The following GPR107 variants were observed in gnomAD, a reference collection of about 807,000 sequenced individuals.
GPR107 encodes protein GPR107.
A neutral mutation model predicts 75.5 loss-of-function variants in GPR107; 31 were observed. The ratio of observed to expected loss-of-function variants is 0.41; its 90% CI spans 0.31 to 0.55. The LOEUF is 0.55. GPR107 is among the 20% of genes least tolerant of loss of function. GPR107 has a pLI of 0.26. For synonymous variants in GPR107, 267 were observed against 251.3 expected, an observed-to-expected ratio of 1.06 and a Z score of -0.59; for missense variants, 572 against 665.7, an observed-to-expected ratio of 0.86 and a Z score of 1.55.
chr9:130,082,023 G>A (rs962384814), intron 5 of GPR107, among the ~76,000 whole-genome samples: 3 of 152,192 alleles, frequency 2.0e-5, no homozygotes, highest in African/African-American at 7.2e-5. Flanking sequence ...AGAAGGAGCA[G>A]GCAGGTCACA....
chr9:130,110,125 A>G (rs892494078), intron 14 of GPR107, among the ~76,000 whole-genome samples: 1 of 151,988 alleles, frequency 6.6e-6, no homozygotes, highest in Non-Finnish European at 1.5e-5. Flanking sequence ...TCGGTCCTCC[A>G]TCTTGCTTTA....
At chr9:130,055,994 TAC>T (rs1433962859) in intron 1 of GPR107, among the ~76,000 whole-genome samples, 3 of 147,416 alleles carry the variant, frequency 2.0e-5, no homozygotes, top group African/African-American at 7.5e-5. Context: ...ACTGGATCCA[TAC>T]AACCTTACTT....
chr9:130,107,095 T>C (rs1831177148), intron 13 of GPR107, among the ~76,000 whole-genome samples: 1 of 152,194 alleles, frequency 6.6e-6, no homozygotes, highest in African/African-American at 2.4e-5. Flanking sequence ...AGACCTAGAC[T>C]CTAGAAGTCA....
intron 1 of GPR107, among the ~76,000 whole-genome samples, chr9:130,061,585 T>G (rs907550450): frequency 3.3e-5 from 5 of 152,162 alleles, no homozygotes; most frequent in African/African-American, 1.2e-4. Flanking sequence ...CCTGCCCTGG[T>G]TTTTGGCATA....
chr9:130,071,978 A>C (rs1253070922), intron 1 of GPR107, among the ~76,000 whole-genome samples: 1 of 149,226 alleles, frequency 6.7e-6, no homozygotes, highest in Non-Finnish European at 1.5e-5. Flanking sequence ...ATCCAGCCTT[A>C]TTATTATTAT....
chr9:130,081,884 C>T (rs1389837827), intron 5 of GPR107, among the ~76,000 whole-genome samples: 1 of 151,852 alleles, frequency 6.6e-6, no homozygotes, highest in Non-Finnish European at 1.5e-5. Flanking sequence ...CGAAAAACAA[C>T]AACAACAACA....
At chr9:130,094,892 G>T (rs1830826864) in intron 9 of GPR107, among the ~76,000 whole-genome samples, 2 of 152,144 alleles carry the variant, frequency 1.3e-5, no homozygotes, top group Non-Finnish European at 2.9e-5. Flanking sequence ...TGTTGGCCAG[G>T]CTGGTCTTGA....
intron 1 of GPR107, among the ~76,000 whole-genome samples, chr9:130,070,843 A>C (rs1266481796): frequency 1.3e-5 from 2 of 151,278 alleles, no homozygotes; most frequent in African/African-American, 4.9e-5. Context: ...CAGCATCCCC[A>C]GTAGCTGTGG....
chr9:130,087,982 T>C (rs893191151), intron 7 of GPR107, among the ~76,000 whole-genome samples: 7 of 152,304 alleles, frequency 4.6e-5, no homozygotes, highest in Non-Finnish European at 7.4e-5. Context: ...TGATTTCTTT[T>C]TCCATGGATC....
intron 1 of GPR107, among the ~76,000 whole-genome samples, chr9:130,060,379 A>T (rs778306951): frequency 2.0e-5 from 3 of 147,362 alleles, no homozygotes; most frequent in Non-Finnish European, 4.5e-5. Context: ...TTTCTTATTA[A>T]TGGAATAAAA....
intron 14 of GPR107, chr9:130,108,719 A>G: frequency 2.2e-6 from 1 of 455,868 alleles, no homozygotes; most frequent in Non-Finnish European, 4.4e-6. Context: ...TTTTCTTTCT[A>G]GTCCTGGGAA....
intron 1 of GPR107, among the ~76,000 whole-genome samples, chr9:130,069,543 A>G (rs560333469): frequency 1.3e-5 from 2 of 152,284 alleles, no homozygotes; most frequent in South Asian, 2.1e-4. Context: ...CTATGCCTCT[A>G]TGACTTTTAT....
chr9:130,094,481 G>C (rs117099181), intron 9 of GPR107, among the ~76,000 whole-genome samples: 1 of 152,234 alleles, frequency 6.6e-6, no homozygotes, highest in Admixed American at 6.5e-5. Context: ...GCTGAGGTGG[G>C]AGGATTGCTT....
chr9:130,079,812 G>T, intron 5 of GPR107, 43 bp downstream of exon 5: 1 of 1,340,214 alleles, frequency 7.5e-7, no homozygotes, highest in Non-Finnish European at 1.0e-6. Context: ...TTCACTACCT[G>T]CTTTGTAGCT....
intron 1 of GPR107, among the ~76,000 whole-genome samples, chr9:130,061,248 G>A (rs1194757202): frequency 6.6e-6 from 1 of 152,134 alleles, no homozygotes; most frequent in African/African-American, 2.4e-5. Flanking sequence ...ACACCTGAAT[G>A]CACAAGTAAT....
At chr9:130,126,170 A>G (rs907707869) in intron 15 of GPR107, among the ~76,000 whole-genome samples, 3 of 152,288 alleles carry the variant, frequency 2.0e-5, no homozygotes, top group South Asian at 4.1e-4. Context: ...AAGTTAAGAC[A>G]GTTTTTTTAA....
intron 1 of GPR107, among the ~76,000 whole-genome samples, chr9:130,072,282 G>A (rs1485263743): frequency 2.7e-5 from 4 of 150,420 alleles, no homozygotes; most frequent in Non-Finnish European, 5.9e-5. Context: ...GCAGTGGCGT[G>A]ATCTCGGCTC....
At chr9:130,092,544 T>A (rs1395530539) in intron 9 of GPR107, among the ~76,000 whole-genome samples, 163 bp downstream of exon 9, 1 of 152,190 alleles carries the variant, frequency 6.6e-6, no homozygotes, top group African/African-American at 2.4e-5. Context: ...CATTATGGTG[T>A]GGGAGCCCTT....
At chr9:130,109,639 A>G (rs1346691394) in intron 14 of GPR107, among the ~76,000 whole-genome samples, 1 of 143,448 alleles carries the variant, frequency 7.0e-6, no homozygotes, top group Non-Finnish European at 1.5e-5. Flanking sequence ...ATGCGATCTC[A>G]GCTCACTGCT....
Sources: gnomAD v4.1 joint callset for allele counts (sites outside exome capture counted in the v4.1 genomes callset) on GRCh38, gnomAD v4.1.1 for gene constraint, MANE v1.5 for transcripts, NCBI Gene and HGNC (gene_info 2026-07-23, HGNC 2026-07-21) for gene names.